Variants in CD99L2 observed in about 807,000 individuals in gnomAD.
CD99L2 encodes CD99 molecule like 2, also known as CD99 antigen-like protein 2.
Under a neutral mutation model 27.3 loss-of-function variants are expected in CD99L2, and 24 were observed. That is an observed-to-expected ratio of 0.88 (90% CI 0.64 to 1.24). The LOEUF (loss-of-function observed/expected upper bound fraction) is 1.24, where lower values mean the gene tolerates loss of function less well. CD99L2 is among the 50% of genes most tolerant of loss of function. CD99L2 has a pLI of 0.00. For missense variants in CD99L2, 255 were observed against 221.6 expected, an observed-to-expected ratio of 1.15 and a Z score of -0.96; for synonymous variants, 97 against 87.9, an observed-to-expected ratio of 1.10 and a Z score of -0.58.
At chrX:150,894,410 T>C (rs2047571435) in intron 1 of CD99L2, among the ~76,000 whole-genome samples, 1 of 111,900 alleles carries the variant, frequency 8.9e-6, no homozygotes, top group Non-Finnish European at 1.9e-5. Flanking sequence ...GAGGAAACCG[T>C]AGCACCGAGC....
intron 1 of CD99L2, among the ~76,000 whole-genome samples, chrX:150,885,457 C>T (rs1455337650): frequency 8.9e-6 from 1 of 111,887 alleles, no homozygotes; most frequent in East Asian, 2.8e-4. Flanking sequence ...TTTCACAATA[C>T]AGGTGAAAAC....
chrX:150,811,954 A>C (rs2046078276), intron 4 of CD99L2, among the ~76,000 whole-genome samples: 1 of 111,839 alleles, frequency 8.9e-6, no homozygotes, highest in African/African-American at 3.3e-5. Flanking sequence ...TTGAGCCCAG[A>C]GTTCAAGACC....
In CD99L2 at chrX:150,898,456, G is replaced by A. The variant is rs1320323548; in HGVS notation, c.67+66C>T. The A allele has an allele frequency of 1.1e-5, 10 of 943,758 alleles. No individual in the cohort carries two copies. In the African/African-American group the frequency reaches 2.1e-4, roughly 20 times the overall value. The allele number at this position is 943,758 out of a possible 1,213,427, so 77.8% of individuals were successfully genotyped here. A position where few individuals can be genotyped will look rare whatever the true frequency, so the allele number is the denominator to read the frequency against. ...GCGGGGACCGTGCCGCTCATGCGCA[G>A]AGCGACCCCTGGGCCCACAAGGCGG... is the stretch of plus-strand genomic sequence containing the variant. On this transcript the variant is annotated intron_variant, in intron 1 of 10. Transcript: ENST00000370377.
chrX:150,892,596 ACT>A (rs1365741872), intron 1 of CD99L2, among the ~76,000 whole-genome samples: 3 of 74,642 alleles, frequency 4.0e-5, no homozygotes, highest in South Asian at 8.7e-4. Context: ...ACAGAGCGAG[ACT>A]CTGTCTCAAA....
At chrX:150,826,781 C>T (rs1479149555) in intron 2 of CD99L2, among the ~76,000 whole-genome samples, 1 of 112,019 alleles carries the variant, frequency 8.9e-6, no homozygotes, top group Non-Finnish European at 1.9e-5. Context: ...AAACTCCAGC[C>T]ACACAGGCTG....
At chrX:150,873,004 C>A (rs2047179989) in intron 1 of CD99L2, among the ~76,000 whole-genome samples, 1 of 111,549 alleles carries the variant, frequency 9.0e-6, no homozygotes, top group African/African-American at 3.3e-5. Context: ...TCCCAGCCAG[C>A]TCTCCATTGA....
chrX:150,824,437 AAAG>A (rs1432408088), intron 2 of CD99L2, among the ~76,000 whole-genome samples: 3 of 83,902 alleles, frequency 3.6e-5, no homozygotes, highest in African/African-American at 8.7e-5. Context: ...GAAGAAGAAG[AAAG>A]AAGAAAGAAG....
chrX:150,839,485 T>C (rs1469486971), intron 1 of CD99L2, among the ~76,000 whole-genome samples: 1 of 111,953 alleles, frequency 8.9e-6, no homozygotes, highest in Non-Finnish European at 1.9e-5. Context: ...ATAATACTGA[T>C]CACTGTCAAT....
chrX:150,824,383 A>G (rs946532327), intron 2 of CD99L2, among the ~76,000 whole-genome samples: 3 of 71,268 alleles, frequency 4.2e-5, no homozygotes, highest in Non-Finnish European at 6.0e-5. Context: ...AGAAGAAGAA[A>G]GAAGAAGAAG....
chrX:150,878,842 C>T (rs781992952), intron 1 of CD99L2, among the ~76,000 whole-genome samples: 23 of 112,119 alleles, frequency 2.1e-4, no homozygotes, highest in African/African-American at 7.1e-4. Flanking sequence ...ACATTCAATG[C>T]TTGACCCCAA....
intron 1 of CD99L2, among the ~76,000 whole-genome samples, chrX:150,859,795 G>A (rs1294220350): frequency 2.7e-5 from 3 of 109,692 alleles, no homozygotes; most frequent in East Asian, 2.9e-4. Flanking sequence ...CACCGCGCCC[G>A]GCAGCAAAAC....
At chrX:150,843,726 G>A (rs782547725) in intron 1 of CD99L2, among the ~76,000 whole-genome samples, 25 of 110,801 alleles carry the variant, frequency 2.3e-4, no homozygotes, top group East Asian at 5.6e-4. Context: ...AAGCATACCA[G>A]GGACATCTTA....
intron 4 of CD99L2, among the ~76,000 whole-genome samples, chrX:150,810,532 G>C (rs192698339): frequency 9.1e-6 from 1 of 110,167 alleles, no homozygotes; most frequent in Admixed American, 9.8e-5. Context: ...TTTCACCTCA[G>C]AAACCAGAAA....
At chrX:150,860,506 A>T (rs895598368) in intron 1 of CD99L2, among the ~76,000 whole-genome samples, 2 of 112,144 alleles carry the variant, frequency 1.8e-5, no homozygotes, top group Non-Finnish European at 3.8e-5. Flanking sequence ...AGGCATCTAT[A>T]TTGGAAAAGA....
intron 1 of CD99L2, among the ~76,000 whole-genome samples, chrX:150,834,984 T>C (rs527332951): frequency 1.3e-4 from 15 of 112,116 alleles, no homozygotes; most frequent in African/African-American, 4.9e-4. Flanking sequence ...AAATAAGCCA[T>C]GCACAGAAAT....
At chrX:150,778,688 ATAT>A (rs1569565879) in intron 7 of CD99L2, among the ~76,000 whole-genome samples, 737 of 17,938 alleles carry the variant, frequency 0.041, 9 homozygotes, top group African/African-American at 0.067. Flanking sequence ...AAAAAAAAAT[ATAT>A]ATATATATAT....
chrX:150,783,031 A>G (rs1557419462), intron 7 of CD99L2, among the ~76,000 whole-genome samples: 2 of 109,865 alleles, frequency 1.8e-5, no homozygotes, highest in Non-Finnish European at 3.8e-5. Context: ...ATTCAGCCAT[A>G]AAAAGGAAGG....
chrX:150,831,355 C>T (rs781983652), intron 1 of CD99L2, 62 bp from the exon 2 acceptor site: 9 of 926,638 alleles, frequency 9.7e-6, no homozygotes, highest in Non-Finnish European at 1.2e-5. Context: ...ATGAAATATC[C>T]TCTAGAAATG....
intron 1 of CD99L2, among the ~76,000 whole-genome samples, chrX:150,860,273 C>T (rs1383172309): frequency 3.3e-3 from 1 of 306 alleles, no homozygotes; most frequent in African/African-American, 9.5e-3. Context: ...AATGCAATAT[C>T]CCTTCATGGG....
Sources: allele counts gnomAD v4.1 joint callset (sites outside exome capture counted in the v4.1 genomes callset), GRCh38; gene constraint gnomAD v4.1.1; transcripts MANE v1.5; gene names NCBI Gene and HGNC (gene_info 2026-07-23, HGNC 2026-07-21).